The following TBC1D2B variants were observed in gnomAD, a reference collection of about 807,000 sequenced individuals.
TBC1D2B encodes TBC1 domain family, member 2B.
TBC1D2B carries 64 observed loss-of-function variants against 100.8 expected under a neutral mutation model. The ratio of observed to expected loss-of-function variants is 0.64; its 90% confidence interval spans 0.52 to 0.78. The LOEUF is 0.78. Among genes scored for constraint, TBC1D2B ranks in the 30% least tolerant of loss-of-function variants. TBC1D2B has a pLI of 0.00. For missense variants in TBC1D2B, 1,052 were observed against 1,218.4 expected, an observed-to-expected ratio of 0.86 and a Z score of 2.03; for synonymous variants, 480 against 479.7, an observed-to-expected ratio of 1.00 and a Z score of -0.01.
At chr15:78,002,697 C>G (rs1163080212) in intron 11 of TBC1D2B, 3 of 152,652 alleles carry the variant, frequency 2.0e-5, no homozygotes, top group African/African-American at 7.2e-5. Context: ...CCTACCTCAG[C>G]CTCCCAAGTA....
rs1309612420 is a variant in TBC1D2B at position 78,077,574 on chromosome 15, C to G, written c.79G>C (p.Gly27Arg). Residue 27 changes from glycine (G) to arginine (R), a missense_variant, in exon 1 of 13, where the codon GGG (glycine) becomes CGG (arginine). By Grantham distance (125) the Gly-to-Arg change is moderately radical. Around this residue, in one of 4 missense-constraint regions of TBC1D2B, gnomAD observed 627 missense variants for 646.1 expected, o/e 0.97. Transcript: ENST00000300584. ...GCTGGCTCCCGCGCCGGACCCGCCCCGGGCTCCGCGGCCGCCCCCTGCGCC... is the reference window on the plus strand; with the variant it reads ...GCTGGCTCCCGCGCCGGACCCGCCCGGGGCTCCGCGGCCGCCCCCTGCGCC... ...GAAQGAAAEP[G>R]AGPAREPARL... The G allele has an allele frequency of 2.2e-6, 3 of 1,384,010 alleles. No individual in the cohort carries two copies. Among genetic ancestry groups the G allele is most frequent in the Non-Finnish European group, 2.8e-6 (3 of 1,063,720 alleles). 85.7% of individuals were successfully genotyped at this position (1,384,010 alleles called of 1,614,324 possible).
At chr15:78,034,913 C>T (rs1265141185) in intron 3 of TBC1D2B, among the ~76,000 whole-genome samples, 1 of 152,324 alleles carries the variant, frequency 6.6e-6, no homozygotes, top group Non-Finnish European at 1.5e-5. Context: ...TCTGCTCTGG[C>T]CCACAGAGGC....
rs1567027899 is a variant in TBC1D2B, at chr15:78,045,085, A to G, written c.515-17T>C. 6.3e-7 allele frequency: 1 copy of G among 1,589,076 alleles called. No homozygotes were observed. Among genetic ancestry groups the G allele is most frequent in the East Asian group, 2.2e-5 (1 of 44,482 alleles). On this transcript the variant is annotated splice_polypyrimidine_tract_variant and intron_variant, in intron 2 of 12. Coordinates refer to ENST00000300584, the MANE Select transcript of TBC1D2B (RefSeq NM_144572.2). Reference sequence around the variant, plus strand: ...AAATTAAATCTGAAAAAAAAGGTAAACAAATGTCAGTTACTCAAAGCTTCC... The same window carrying G: ...AAATTAAATCTGAAAAAAAAGGTAAGCAAATGTCAGTTACTCAAAGCTTCC...
chr15:78,017,507 T>C (rs2072407592), intron 7 of TBC1D2B, among the ~76,000 whole-genome samples: 2 of 152,238 alleles, frequency 1.3e-5, no homozygotes, highest in South Asian at 4.1e-4. Flanking sequence ...TCAAAATCTA[T>C]TAAAAATGCT....
chr15:78,031,742 G>A (rs2072821357), intron 3 of TBC1D2B, among the ~76,000 whole-genome samples: 2 of 152,022 alleles, frequency 1.3e-5, no homozygotes, highest in East Asian at 1.9e-4. Flanking sequence ...TCTGCTTCCA[G>A]TGAAGATGGA....
intron 1 of TBC1D2B, among the ~76,000 whole-genome samples, chr15:78,069,435 ATC>A (rs1339111836): frequency 2.6e-5 from 4 of 152,228 alleles, no homozygotes; most frequent in East Asian, 1.9e-4. Flanking sequence ...CTACTTTTAA[ATC>A]TGTTTGCCAG....
Position 78,013,243 on chromosome 15 carries a change from G to A in TBC1D2B, c.1850C>T (p.Ala617Val), listed in dbSNP as rs745543777. The A allele has an allele frequency of 8.1e-6, 13 of 1,613,820 alleles. No homozygotes were observed. The highest frequency in any genetic ancestry group is 2.2e-5 in the East Asian group (1 of 44,898). ...EEEKLVAKVRALDLKTLYLTE... is the reference protein window; with the variant it reads ...EEEKLVAKVRVLDLKTLYLTE... Reference sequence around the variant, plus strand: ...GAGGTAGAGAGTCTTCAGATCCAACGCGCGGACCTTGGCAACCAATTTCTC... The same window carrying A: ...GAGGTAGAGAGTCTTCAGATCCAACACGCGGACCTTGGCAACCAATTTCTC... Residue 617 changes from alanine to valine, a missense_variant, in exon 9 of 13, where the codon GCG (alanine) becomes GTG (valine). Coordinates refer to ENST00000300584, the MANE Select transcript of TBC1D2B (RefSeq NM_144572.2).
In TBC1D2B at chr15:78,025,495, C is replaced by G. The variant is rs78162825; in HGVS notation, c.850G>C (p.Val284Leu). ...TCAAAGGGGAATCCTGAGCCAGTTA[C>G]TCCTACATAAAAATAAAACTTGTAT... ...KKLTPEGNKGVTGSGFPFDFG... is the reference protein window; with the variant it reads ...KKLTPEGNKGLTGSGFPFDFG... The change falls in exon 5 of 13, where the codon GTA (valine) becomes CTA (leucine). Residue 284 changes from valine to leucine, a missense_variant and splice_region_variant. Coordinates refer to ENST00000300584, the MANE Select transcript of TBC1D2B (RefSeq NM_144572.2). 12,179 of 1,586,450 alleles carry G rather than the reference C, an allele frequency of 7.7e-3. 202 individuals are homozygous for G. In the East Asian group the frequency reaches 0.077, roughly 10 times the overall value.
chr15:78,075,622 G>A (rs993034086), intron 1 of TBC1D2B, among the ~76,000 whole-genome samples: 3 of 152,208 alleles, frequency 2.0e-5, no homozygotes, highest in Non-Finnish European at 4.4e-5. Flanking sequence ...CACTGAGGAA[G>A]AGCCTCTGCC....
intron 1 of TBC1D2B, among the ~76,000 whole-genome samples, chr15:78,069,745 T>TACATACATATATACAA (rs1435148372): frequency 5.3e-5 from 8 of 152,308 alleles, no homozygotes; most frequent in Admixed American, 3.9e-4. Flanking sequence ...GATAGATACA[T>TACATACATATATACAA]ACATACATAT....
rs546810473 is a variant in TBC1D2B at position 78,019,998 on chromosome 15, TC to T, written c.1471-2042del. Among the ~76,000 whole-genome samples the T allele has an allele frequency of 1.1e-4, 16 of 152,018 alleles. No individual in the cohort carries two copies. In the East Asian group the frequency reaches 2.7e-3, roughly 26 times the overall value. On this transcript the variant is annotated intron_variant, in intron 6 of 12. Transcript: ENST00000300584. ...TCGAACTCCTGGGCATAAGTGATCCTCCCACCTCAACCTCCTGAGTAGCTAG... is the reference window on the plus strand; with the variant it reads ...TCGAACTCCTGGGCATAAGTGATCCTCCACCTCAACCTCCTGAGTAGCTAG...
chr15:78,059,759 A>G (rs368731257), intron 1 of TBC1D2B, among the ~76,000 whole-genome samples: 8 of 152,222 alleles, frequency 5.3e-5, no homozygotes, highest in Admixed American at 2.0e-4. Flanking sequence ...TGGGCCCCAG[A>G]GACTCCCCTC....
intron 3 of TBC1D2B, among the ~76,000 whole-genome samples, chr15:78,040,823 G>GGA (rs1482027964): frequency 2.6e-5 from 3 of 116,516 alleles, no homozygotes; most frequent in South Asian, 2.8e-4. Flanking sequence ...AAGCAAGAAA[G>GGA]AAGGAAAGAA....
At chr15:78,008,663 C>T (rs898661627) in intron 10 of TBC1D2B, among the ~76,000 whole-genome samples, 4 of 152,226 alleles carry the variant, frequency 2.6e-5, no homozygotes, top group Non-Finnish European at 5.9e-5. Context: ...GCTAACACAC[C>T]AGTCACCCAA....
intron 6 of TBC1D2B, among the ~76,000 whole-genome samples, chr15:78,023,309 C>T (rs979475417): frequency 6.6e-6 from 1 of 152,198 alleles, no homozygotes; most frequent in Non-Finnish European, 1.5e-5. Flanking sequence ...TGGGGTCAAA[C>T]AGGCTATACT....
intron 3 of TBC1D2B, among the ~76,000 whole-genome samples, chr15:78,039,993 C>G (rs141892599): frequency 6.6e-6 from 1 of 152,248 alleles, no homozygotes; most frequent in Non-Finnish European, 1.5e-5. Context: ...GATGGGCGCA[C>G]AGTCCAGGCC....
chr15:78,031,773 C>T (rs374831805), intron 3 of TBC1D2B, among the ~76,000 whole-genome samples: 6 of 151,878 alleles, frequency 4.0e-5, no homozygotes, highest in African/African-American at 1.2e-4. Flanking sequence ...CTAGATTTAC[C>T]CTCCCCGGTG....
intron 1 of TBC1D2B, among the ~76,000 whole-genome samples, chr15:78,060,101 A>G (rs557565019): frequency 9.4e-4 from 143 of 152,328 alleles, no homozygotes; most frequent in Admixed American, 1.2e-3. Flanking sequence ...AAAGTAGTCC[A>G]AAAGAGGAAA....
intron 2 of TBC1D2B, among the ~76,000 whole-genome samples, chr15:78,051,951 G>A (rs141541438): frequency 8.5e-4 from 129 of 152,152 alleles, no homozygotes; most frequent in African/African-American, 3.0e-3. Context: ...CTTGTTCTTC[G>A]AAGCTATCTA....
Sources: allele counts gnomAD v4.1 joint callset (sites outside exome capture counted in the v4.1 genomes callset), GRCh38; gene constraint gnomAD v4.1.1; regional missense constraint gnomAD v4.1.1; transcripts MANE v1.5; gene names NCBI Gene and HGNC (gene_info 2026-07-23, HGNC 2026-07-21).